WASF3: variants seen among roughly 807,000 people sequenced by gnomAD.
WASF3 encodes WASP family member 3, also known as actin-binding protein WASF3.
WASF3 carries 11 observed loss-of-function variants against 46.6 expected under a neutral mutation model. That is an observed-to-expected ratio of 0.24 (90% CI 0.15 to 0.39). The LOEUF is 0.39. WASF3 is among the 10% of genes least tolerant of loss of function. The pLI is 1.00. For synonymous variants in WASF3, 242 were observed against 259.7 expected, an observed-to-expected ratio of 0.93 and a Z score of 0.65; for missense variants, 576 against 669.8, an observed-to-expected ratio of 0.86 and a Z score of 1.55.
At chr13:26,570,145 G>A (rs910366880) in intron 1 of WASF3, among the ~76,000 whole-genome samples, 41 of 152,176 alleles carry the variant, frequency 2.7e-4, no homozygotes, top group African/African-American at 7.7e-4. Context: ...AAAATTAGCC[G>A]GGTGTCGTGG....
intron 1 of WASF3, among the ~76,000 whole-genome samples, chr13:26,592,451 G>A (rs1055728445): frequency 2.0e-5 from 3 of 152,096 alleles, no homozygotes; most frequent in Non-Finnish European, 2.9e-5. Flanking sequence ...TGAAGTCCAC[G>A]AACACAGTTC....
At chr13:26,656,221 A>T (rs1206337028) in intron 3 of WASF3, among the ~76,000 whole-genome samples, 3 of 152,136 alleles carry the variant, frequency 2.0e-5, no homozygotes, top group African/African-American at 7.2e-5. Flanking sequence ...AACATTAGTG[A>T]TTTTCTTTAT....
intron 2 of WASF3, among the ~76,000 whole-genome samples, chr13:26,627,286 A>C (rs1313895415): frequency 1.2e-4 from 18 of 151,696 alleles, no homozygotes; most frequent in Admixed American, 1.2e-3. Flanking sequence ...TTTTATTTTC[A>C]TGTGAGCCTC....
chr13:26,681,831 T>C (rs1883240160), intron 8 of WASF3, among the ~76,000 whole-genome samples: 1 of 152,126 alleles, frequency 6.6e-6, no homozygotes, highest in Non-Finnish European at 1.5e-5. Flanking sequence ...AGACTTCATG[T>C]TCAGGCGTTT....
intron 1 of WASF3, among the ~76,000 whole-genome samples, chr13:26,608,077 T>C (rs1235361096): frequency 8.1e-6 from 1 of 123,596 alleles, no homozygotes; most frequent in African/African-American, 3.1e-5. Context: ...TGAACAGTAG[T>C]AAATGCTTGA....
intron 3 of WASF3, among the ~76,000 whole-genome samples, chr13:26,651,370 G>C (rs1882311971): frequency 6.6e-6 from 1 of 151,908 alleles, no homozygotes; most frequent in African/African-American, 2.4e-5. Flanking sequence ...AAGGAACAGA[G>C]ATGAAGAGAA....
intron 3 of WASF3, among the ~76,000 whole-genome samples, chr13:26,651,888 G>A (rs1347224255): frequency 6.6e-6 from 1 of 152,182 alleles, no homozygotes; most frequent in African/African-American, 2.4e-5. Context: ...TTTGAAAGTA[G>A]AGATGAGTTA....
chr13:26,550,840 A>T, the WASF3 span, among the ~76,000 whole-genome samples: 2 of 152,202 alleles, frequency 1.3e-5, no homozygotes, highest in East Asian at 3.9e-4. Flanking sequence ...GCAATGTGGG[A>T]GTAGGCAGCC....
At chr13:26,553,141 C>A (rs575013355), upstream of WASF3, among the ~76,000 whole-genome samples, 85 of 152,306 alleles carry the variant, frequency 5.6e-4, no homozygotes, top group African/African-American at 2.0e-3. Flanking sequence ...GCCCTGTGGG[C>A]CCCGGACTGG....
intron 1 of WASF3, among the ~76,000 whole-genome samples, chr13:26,566,167 A>G (rs1397953063): frequency 6.6e-6 from 1 of 152,134 alleles, no homozygotes; most frequent in Non-Finnish European, 1.5e-5. Context: ...TTTACTTAGC[A>G]TTTTTTCTCT....
At chr13:26,552,514 A>G in the WASF3 span, among the ~76,000 whole-genome samples, 1 of 152,214 alleles carries the variant, frequency 6.6e-6, no homozygotes, top group Non-Finnish European at 1.5e-5. Flanking sequence ...AATAAATACT[A>G]TCCTTCAGAA....
At chr13:26,556,507 T>G (rs1019602498), upstream of WASF3, among the ~76,000 whole-genome samples, 15 of 152,346 alleles carry the variant, frequency 9.8e-5, no homozygotes, top group African/African-American at 3.6e-4. Flanking sequence ...TACCAGCAAT[T>G]TTTTAAAATG....
the WASF3 span, among the ~76,000 whole-genome samples, chr13:26,549,825 G>T: frequency 9.9e-5 from 15 of 152,184 alleles, no homozygotes; most frequent in Admixed American, 2.6e-4. Flanking sequence ...CCCAGTGCCT[G>T]ATGGTTGAGG....
intron 2 of WASF3, among the ~76,000 whole-genome samples, chr13:26,631,988 T>A (rs1881665246): frequency 2.0e-5 from 3 of 152,222 alleles, no homozygotes; most frequent in Admixed American, 1.3e-4. Context: ...GTTATTGGTG[T>A]ATAGGAATGC....
In WASF3 at chr13:26,596,488, G is replaced by A. The variant is rs141672042; in HGVS notation, c.-108-16473G>A. 2.6e-3 allele frequency among the ~76,000 whole-genome samples: 394 copies of A among 151,864 alleles called. 3 individuals carry two copies. Among genetic ancestry groups the A allele is most frequent in the African/African-American group, 9.2e-3 (381 of 41,410 alleles). On this transcript the variant is annotated intron_variant, in intron 1 of 9. Coordinates refer to ENST00000335327, the MANE Select transcript of WASF3 (RefSeq NM_006646.6). ...CTTTAATTATTTTTGATAAAATTTA[G>A]CCTTCTTAAATGTTGCCCTTATTGC...
chr13:26,640,142 G>C (rs1881951951), intron 2 of WASF3, among the ~76,000 whole-genome samples: 1 of 152,016 alleles, frequency 6.6e-6, no homozygotes, highest in Non-Finnish European at 1.5e-5. Flanking sequence ...ACCTTGGGAG[G>C]ATGGCACCAA....
At chr13:26,543,504 A>G in the WASF3 span, among the ~76,000 whole-genome samples, 4 of 152,188 alleles carry the variant, frequency 2.6e-5, no homozygotes, top group Non-Finnish European at 5.9e-5. Flanking sequence ...AGGTGGAGAG[A>G]GTAATAGATC....
intron 1 of WASF3, among the ~76,000 whole-genome samples, chr13:26,601,905 G>A (rs1408344299): frequency 2.6e-5 from 4 of 152,186 alleles, no homozygotes. Flanking sequence ...GCCAAGAGTG[G>A]GCTGAGTAAA....
chr13:26,642,123 A>G (rs773736286), intron 2 of WASF3, 138 bp from the exon 3 acceptor site: 42 of 877,718 alleles, frequency 4.8e-5, no homozygotes, highest in Non-Finnish European at 6.6e-5. Flanking sequence ...TGTTTGTTGC[A>G]TTTTAGCTGA....
Sources: gnomAD v4.1 joint callset for allele counts (sites outside exome capture counted in the v4.1 genomes callset) on GRCh38, gnomAD v4.1.1 for gene constraint, MANE v1.5 for transcripts, NCBI Gene and HGNC (gene_info 2026-07-23, HGNC 2026-07-21) for gene names.